The following MYOM2 variants were observed in gnomAD, a reference collection of about 807,000 sequenced individuals.
MYOM2 encodes myomesin-2.
A neutral mutation model predicts 187.6 loss-of-function variants in MYOM2; 254 were observed. The observed-to-expected ratio is 1.35, with a 90% CI of 1.22 to 1.50. The LOEUF (loss-of-function observed/expected upper bound fraction) is 1.50, where lower values mean the gene tolerates loss of function less well. MYOM2 is among the 40% of genes most tolerant of loss of function. The probability of loss-of-function intolerance (pLI) is 0.00; values close to 1 mark genes in which losing one functional copy is unlikely to be tolerated. For missense variants in MYOM2, 2,796 were observed against 1,924.0 expected (o/e 1.45, Z -8.48); for synonymous variants, 981 against 753.8 (o/e 1.30, Z -4.94).
At chr8:2,113,991 G>A (rs1395340981) in intron 25 of MYOM2, among the ~76,000 whole-genome samples, 1 of 152,216 alleles carries the variant, frequency 6.6e-6, no homozygotes, top group Non-Finnish European at 1.5e-5. Flanking sequence ...GTAGGGTGGG[G>A]AGGGTGCTCC....
chr8:2,094,156 AC>A lies in MYOM2; in HGVS notation c.2125+66del, dbSNP rs774404081. The stretch of plus-strand genomic sequence containing the variant: ...TACACTGTCATTTCTGCATGAATAA[AC>A]ATTTGTGATGCCATTTGGAATGTCA... On this transcript the variant is annotated intron_variant, in intron 17 of 36. Transcript: ENST00000262113. 4.9e-4 allele frequency: 778 copies of A among 1,577,888 alleles called. 1 individual carries two copies. Among genetic ancestry groups the A allele is most frequent in the Admixed American group, 8.2e-4 (47 of 57,106 alleles).
chr8:2,066,984 C>G lies in MYOM2; in HGVS notation c.654-2294C>G, dbSNP rs986848358. Among the ~76,000 whole-genome samples, 4 of 152,162 alleles carry G rather than the reference C, an allele frequency of 2.6e-5. No individual in the cohort carries two copies. The East Asian group carries it at 7.7e-4, about 29-fold the overall frequency. On this transcript the variant is annotated intron_variant, in intron 6 of 36. Coordinates refer to ENST00000262113, the MANE Select transcript of MYOM2 (RefSeq NM_003970.4). ...TAATGTTCTTGGTTTGAAAATCTAC[C>G]CAGACTGGGCTCTGGTGTGTGATCT...
intron 28 of MYOM2, among the ~76,000 whole-genome samples, chr8:2,122,865 C>T (rs892713512): frequency 6.6e-6 from 1 of 152,152 alleles, no homozygotes; most frequent in Non-Finnish European, 1.5e-5. Flanking sequence ...AGAGCAGCTG[C>T]CAACCAGCTT....
At chr8:2,079,687 G>A in intron 13 of MYOM2, 74 bp downstream of exon 13, 2 of 1,481,574 alleles carry the variant, frequency 1.3e-6, no homozygotes, top group Non-Finnish European at 1.9e-6. Context: ...GGGAGAGATG[G>A]ACAGAGAACG....
At chr8:2,083,076 G>A (rs983826908) in intron 13 of MYOM2, among the ~76,000 whole-genome samples, 4 of 152,102 alleles carry the variant, frequency 2.6e-5, no homozygotes, top group African/African-American at 9.7e-5. Flanking sequence ...CTCCACACAT[G>A]AACAGAACCC....
At chr8:2,102,807 A>G (rs1408559499) in intron 21 of MYOM2, 26 bp downstream of exon 21, 2 of 1,551,766 alleles carry the variant, frequency 1.3e-6, no homozygotes, top group African/African-American at 2.7e-5. Flanking sequence ...AAAACTACAA[A>G]ACAGCAATGA....
chr8:2,104,611 A>G (rs888211925), intron 21 of MYOM2, among the ~76,000 whole-genome samples: 1 of 151,514 alleles, frequency 6.6e-6, no homozygotes, highest in African/African-American at 2.4e-5. Context: ...TTTAAAAAAA[A>G]AAAAAGAAAA....
intron 13 of MYOM2, chr8:2,084,901 CTGTGAATA>C (rs1819756336): frequency 1.0e-5 from 2 of 197,098 alleles, no homozygotes; most frequent in South Asian, 1.4e-4. Context: ...AGAAGACAGA[CTGTGAATA>C]TGTTCTCTGC....
chr8:2,046,942 A>G (rs1179805063), intron 1 of MYOM2, among the ~76,000 whole-genome samples: 1 of 152,108 alleles, frequency 6.6e-6, no homozygotes, highest in Non-Finnish European at 1.5e-5. Context: ...AAGATCAGAA[A>G]TCCAGAATGC....
Position 2,085,398 on chromosome 8 carries a change from C to G in MYOM2, c.1644+8C>G. 1 of 1,613,672 alleles carries G rather than the reference C, an allele frequency of 6.2e-7. No individual in the cohort carries two copies. Among genetic ancestry groups the G allele is most frequent in the Non-Finnish European group, 8.5e-7 (1 of 1,179,802 alleles). ...ATGTACTTCATTGAGAAGGTAAACT[C>G]CGGGCCCGTGTCCTGGAAAAGTAGA... On this transcript the variant is annotated splice_region_variant and intron_variant, in intron 14 of 36. Transcript: ENST00000262113.
intron 6 of MYOM2, among the ~76,000 whole-genome samples, chr8:2,061,206 C>T (rs938200932): frequency 6.6e-6 from 1 of 151,848 alleles, no homozygotes; most frequent in South Asian, 2.1e-4. Context: ...CTGTCCCCAT[C>T]CAGCCTGGTG....
rs1486145882 is a variant in MYOM2, at chr8:2,129,118, T to G, written c.3695-9T>G. 1.9e-6 allele frequency: 3 copies of G among 1,593,722 alleles called. No individual in the cohort carries two copies. The highest frequency in any genetic ancestry group is 1.7e-6 in the Non-Finnish European group (2 of 1,162,760). The stretch of plus-strand genomic sequence containing the variant: ...TTTCCTAGATCTGAGGATGTTTTAT[T>G]TTCTGCAGGGAAATCTGCTTCGCCA... On this transcript the variant is annotated splice_polypyrimidine_tract_variant and intron_variant, in intron 31 of 36. Transcript: ENST00000262113.
chr8:2,123,708 C>G (rs1191581583), intron 30 of MYOM2, 66 bp downstream of exon 30: 4 of 1,396,790 alleles, frequency 2.9e-6, no homozygotes, highest in Admixed American at 3.4e-5. Context: ...GGGATGTATT[C>G]TGAAGGCAGG....
chr8:2,129,220 A>T lies in MYOM2; in HGVS notation c.3788A>T (p.Asn1263Ile). Residue 1263 changes from asparagine to isoleucine, a missense_variant, in exon 32 of 37, where the codon AAC becomes ATC. Transcript: ENST00000262113. The part of the protein sequence containing the change: ...MKYFTDEMKV[N>I]WCHKDAKISS... Reference sequence around the variant, plus strand: ...TATTTTACAGACGAAATGAAAGTGAACTGGTGTCACAAGTAAGTATGACAG... The same window carrying T: ...TATTTTACAGACGAAATGAAAGTGATCTGGTGTCACAAGTAAGTATGACAG... The T allele has an allele frequency of 6.2e-7, 1 of 1,609,148 alleles. No homozygotes were observed. Among genetic ancestry groups the T allele is most frequent in the Non-Finnish European group, 8.5e-7 (1 of 1,175,696 alleles).
intron 32 of MYOM2, among the ~76,000 whole-genome samples, chr8:2,139,882 T>A (rs1444444418): frequency 6.6e-6 from 1 of 152,234 alleles, no homozygotes; most frequent in Non-Finnish European, 1.5e-5. Context: ...ATGAGCACCT[T>A]GTTTTTATCT....
At chr8:2,047,010 A>C (rs1818332561) in intron 1 of MYOM2, among the ~76,000 whole-genome samples, 1 of 152,218 alleles carries the variant, frequency 6.6e-6, no homozygotes, top group Admixed American at 6.5e-5. Context: ...TGCTTACATG[A>C]GCATCTCAAG....
In MYOM2 at chr8:2,086,387, TC is replaced by T. The variant is rs1796057062; in HGVS notation, c.1644+1000del. Among the ~76,000 whole-genome samples the T allele has an allele frequency of 1.2e-3, 5 of 4,152 alleles. 1 individual carries two copies. The highest frequency in any genetic ancestry group is 2.7e-3 in the African/African-American group (3 of 1,122). The allele number at this position is 4,152 out of a possible 152,430, so 2.7% of individuals were successfully genotyped here. On this transcript the variant is annotated intron_variant, in intron 14 of 36. Transcript: ENST00000262113. ...CCACTGTTGTGATCTCTGCGTGGCCTCCCACTGTTGTGATCTCTGCGTGGCC... is the reference window on the plus strand; with the variant it reads ...CCACTGTTGTGATCTCTGCGTGGCCTCCACTGTTGTGATCTCTGCGTGGCC...
intron 32 of MYOM2, among the ~76,000 whole-genome samples, chr8:2,138,609 A>C (rs754845327): frequency 6.6e-6 from 1 of 152,220 alleles, no homozygotes; most frequent in South Asian, 2.1e-4. Flanking sequence ...GATAGAACCA[A>C]AGTGCTCACA....
chr8:2,063,042 C>A (rs1343871831), intron 6 of MYOM2, among the ~76,000 whole-genome samples: 5 of 152,164 alleles, frequency 3.3e-5, no homozygotes, highest in Non-Finnish European at 7.3e-5. Flanking sequence ...TTGGATTTTG[C>A]TTGCATATGC....
Sources: gnomAD v4.1 joint callset for allele counts (sites outside exome capture counted in the v4.1 genomes callset) on GRCh38, gnomAD v4.1.1 for gene constraint, MANE v1.5 for transcripts, NCBI Gene and HGNC (gene_info 2026-07-23, HGNC 2026-07-21) for gene names.